KLHL4: variants seen among roughly 807,000 people sequenced by gnomAD.
KLHL4 encodes kelch-like protein 4.
A neutral mutation model predicts 45.8 loss-of-function variants in KLHL4; 17 were observed. That is an observed-to-expected ratio of 0.37 (90% CI 0.25 to 0.56). The LOEUF (loss-of-function observed/expected upper bound fraction) is 0.56, where lower values mean the gene tolerates loss of function less well. KLHL4 is among the 20% of genes least tolerant of loss of function. The pLI is 0.79. For missense variants in KLHL4, 544 were observed against 544.9 expected (o/e 1.00, Z 0.02); for synonymous variants, 224 against 189.9 (o/e 1.18, Z -1.47).
intron 6 of KLHL4, among the ~76,000 whole-genome samples, chrX:87,628,427 A>G (rs1923005187): frequency 8.9e-6 from 1 of 112,278 alleles, no homozygotes; most frequent in African/African-American, 3.2e-5. Context: ...AAAACCTAAG[A>G]AGTATAACAA....
chrX:87,536,647 C>T (rs1158865920), intron 1 of KLHL4, among the ~76,000 whole-genome samples: 1 of 109,216 alleles, frequency 9.2e-6, no homozygotes, highest in African/African-American at 3.3e-5. Context: ...TAGATATTTT[C>T]CCTGCATAAA....
In KLHL4 at chrX:87,587,720, G is replaced by T. The variant is rs570003699; in HGVS notation, c.423-26157G>T. Among the ~76,000 whole-genome samples, 4 of 111,098 alleles carry T rather than the reference G, an allele frequency of 3.6e-5. No individual in the cohort carries two copies. In the South Asian group the frequency reaches 1.1e-3, roughly 31 times the overall value. ...CATACTGAGTGCTGAAAAACTGCAA[G>T]CTTTTTCTCTAGTATCTGGAACACG... On this transcript the variant is annotated intron_variant, in intron 1 of 10. Coordinates refer to ENST00000373119, the MANE Select transcript of KLHL4 (RefSeq NM_019117.5).
chrX:87,598,548 A>G (rs73511934), intron 1 of KLHL4, among the ~76,000 whole-genome samples: 216 of 111,873 alleles, frequency 1.9e-3, no homozygotes, highest in African/African-American at 6.7e-3. Context: ...GCAGCAAGAG[A>G]ATACAGTTTT....
Position 87,633,525 on chromosome X carries a change from C to T in KLHL4, c.1550-224C>T, listed in dbSNP as rs775720942. The stretch of plus-strand genomic sequence containing the variant: ...ACTGCCTCTTTTGACTTCAGTGTTA[C>T]AACAATAGTACCCTTCTATGATATA... On this transcript the variant is annotated intron_variant, in intron 7 of 10. Transcript: ENST00000373119. Among the ~76,000 whole-genome samples, 21 of 111,556 alleles carry T rather than the reference C, an allele frequency of 1.9e-4. No homozygotes were observed. The South Asian group carries it at 7.9e-3, about 42-fold the overall frequency.
At chrX:87,600,410 G>A (rs1302496839) in intron 1 of KLHL4, among the ~76,000 whole-genome samples, 2 of 108,729 alleles carry the variant, frequency 1.8e-5, no homozygotes, top group African/African-American at 6.7e-5. Context: ...GTGAACCCGG[G>A]AGGCGGAGCT....
Position 87,617,973 on chromosome X carries a change from G to T in KLHL4, c.769G>T (p.Ala257Ser), listed in dbSNP as rs185219110. 2.5e-6 allele frequency: 3 copies of T among 1,208,877 alleles called. No homozygotes were observed. The East Asian group carries it at 8.9e-5, about 36-fold the overall frequency. Residue 257 changes from alanine (A) to serine (S), a missense_variant, in exon 4 of 11, where the codon GCT (alanine) becomes TCT (serine). Physicochemically the swap from Ala to Ser is moderately conservative, Grantham distance 99 (BLOSUM62 1). Transcript: ENST00000373119. Reference protein sequence around the residue: ...LKEDTIESLLAAACLLQLTQV... With the variant: ...LKEDTIESLLSAACLLQLTQV... Reference sequence around the variant, plus strand: ...AGAAGATACCATTGAAAGTTTGCTGGCTGCAGCTTGTCTTCTGCAGCTGAC... The same window carrying T: ...AGAAGATACCATTGAAAGTTTGCTGTCTGCAGCTTGTCTTCTGCAGCTGAC...
chrX:87,643,407 G>A (rs1923530754), intron 9 of KLHL4, among the ~76,000 whole-genome samples: 1 of 110,834 alleles, frequency 9.0e-6, no homozygotes, highest in African/African-American at 3.3e-5. Context: ...GATTGAAATG[G>A]TAACTAGAAA....
At chrX:87,627,128 C>A (rs1438665734) in intron 6 of KLHL4, among the ~76,000 whole-genome samples, 1 of 111,563 alleles carries the variant, frequency 9.0e-6, no homozygotes, top group Non-Finnish European at 1.9e-5. Context: ...GGTGTCTGGT[C>A]TGTATCAGCA....
At chrX:87,534,206 G>T (rs1267131199) in intron 1 of KLHL4, among the ~76,000 whole-genome samples, 1 of 111,366 alleles carries the variant, frequency 9.0e-6, no homozygotes, top group African/African-American at 3.3e-5. Context: ...TCCTGACATT[G>T]CTAAATAAGA....
At chrX:87,552,431 G>A (rs1342437700) in intron 1 of KLHL4, among the ~76,000 whole-genome samples, 1 of 110,886 alleles carries the variant, frequency 9.0e-6, no homozygotes, top group East Asian at 2.8e-4. Flanking sequence ...GGTGATCAGG[G>A]GACATTTCTA....
At chrX:87,640,212 C>T (rs1923407068) in intron 9 of KLHL4, among the ~76,000 whole-genome samples, 1 of 110,255 alleles carries the variant, frequency 9.1e-6, no homozygotes, top group African/African-American at 3.3e-5. Flanking sequence ...AAGTTACCAA[C>T]AAAAAAAGTC....
intron 1 of KLHL4, among the ~76,000 whole-genome samples, chrX:87,524,367 A>C (rs1421737812): frequency 8.9e-6 from 1 of 112,153 alleles, no homozygotes; most frequent in Non-Finnish European, 1.9e-5. Context: ...GTACCCCATA[A>C]ATAAGCACAA....
intron 1 of KLHL4, among the ~76,000 whole-genome samples, chrX:87,551,143 A>C (rs980467545): frequency 1.8e-5 from 2 of 111,317 alleles, no homozygotes; most frequent in African/African-American, 6.5e-5. Context: ...CCTAGAAATC[A>C]TAAAATAATT....
chrX:87,644,080 G>A (rs1483617220), intron 9 of KLHL4, among the ~76,000 whole-genome samples: 2 of 111,211 alleles, frequency 1.8e-5, no homozygotes, highest in African/African-American at 3.3e-5. Context: ...GGAATAAAGG[G>A]CATCCAAATC....
At chrX:87,536,421 T>C (rs1931428897) in intron 1 of KLHL4, among the ~76,000 whole-genome samples, 1 of 111,465 alleles carries the variant, frequency 9.0e-6, no homozygotes, top group African/African-American at 3.3e-5. Flanking sequence ...TTGTCATCCC[T>C]GTAGATAATT....
At chrX:87,627,176 ATGAG>A (rs1922957320) in intron 6 of KLHL4, among the ~76,000 whole-genome samples, 1 of 111,371 alleles carries the variant, frequency 9.0e-6, no homozygotes, top group Admixed American at 9.6e-5. Context: ...ATTTGACCAG[ATGAG>A]TGAGTATGGT....
At chrX:87,600,515 C>A (rs1921987001) in intron 1 of KLHL4, among the ~76,000 whole-genome samples, 1 of 108,946 alleles carries the variant, frequency 9.2e-6, no homozygotes, top group Admixed American at 9.8e-5. Flanking sequence ...TAGTGCGTAG[C>A]ACCTCCCCGA....
chrX:87,578,108 C>A, intron 1 of KLHL4, among the ~76,000 whole-genome samples: 1 of 111,126 alleles, frequency 9.0e-6, no homozygotes, highest in South Asian at 3.7e-4. Context: ...TAAATACCAG[C>A]AAAATATTAC....
At chrX:87,532,776 ATTGATT>A (rs1229097908) in intron 1 of KLHL4, among the ~76,000 whole-genome samples, 1 of 109,760 alleles carries the variant, frequency 9.1e-6, no homozygotes, top group African/African-American at 3.3e-5. Context: ...ATTTTTGTAC[ATTGATT>A]TTGTATCCTG....
Sources: gnomAD v4.1 joint callset for allele counts (sites outside exome capture counted in the v4.1 genomes callset) on GRCh38, gnomAD v4.1.1 for gene constraint, MANE v1.5 for transcripts, NCBI Gene and HGNC (gene_info 2026-07-23, HGNC 2026-07-21) for gene names.